The following ALG8 variants were observed in gnomAD, a reference collection of about 807,000 sequenced individuals.
The protein encoded by ALG8 is dolichyl pyrophosphate Glc1Man9GlcNAc2 alpha-1,3-glucosyltransferase.
A neutral mutation model predicts 70.2 loss-of-function variants in ALG8; 48 were observed. The observed-to-expected ratio is 0.68, with a 90% CI of 0.54 to 0.87. ALG8 has a LOEUF of 0.87. Among genes scored for constraint, ALG8 ranks in the 40% least tolerant of loss-of-function variants. ALG8 has a pLI of 0.00. For synonymous variants in ALG8, 234 were observed against 229.0 expected, an observed-to-expected ratio of 1.02 and a Z score of -0.20; for missense variants, 572 against 608.7, an observed-to-expected ratio of 0.94 and a Z score of 0.64.
chr11:78,101,516 C>A lies in ALG8; in HGVS notation c.1350-321G>T, dbSNP rs550775179. On this transcript the variant is annotated intron_variant, in intron 12 of 12. Transcript: ENST00000299626. The stretch of plus-strand genomic sequence containing the variant: ...GGGTGGCACAGGCCTGTAATTCCAG[C>A]TACTTGGGAGGCTGAGGCAGGAGAA... Among the ~76,000 whole-genome samples the A allele has an allele frequency of 2.0e-5, 3 of 152,224 alleles. No homozygotes were observed. In the East Asian group the frequency reaches 5.8e-4, roughly 29 times the overall value.
chr11:78,130,348 C>CAAA (rs1174378754), intron 1 of ALG8, among the ~76,000 whole-genome samples: 1 of 49,180 alleles, frequency 2.0e-5, no homozygotes, highest in Admixed American at 2.9e-4. Flanking sequence ...GACCCGGTCT[C>CAAA]AAAAAAAAAA....
At chr11:78,103,706 C>T (rs1174035736) in intron 12 of ALG8, among the ~76,000 whole-genome samples, 1 of 152,134 alleles carries the variant, frequency 6.6e-6, no homozygotes, top group Non-Finnish European at 1.5e-5. Flanking sequence ...TAGTTTTATT[C>T]ATAAAGCATA....
At chr11:78,121,243 T>C in intron 3 of ALG8, 69 bp from the exon 4 acceptor site, 1 of 1,046,468 alleles carries the variant, frequency 9.6e-7, no homozygotes. Context: ...TTCTGCAGAG[T>C]AAACTATGAT....
At chr11:78,115,034 T>C (rs1346981385) in intron 5 of ALG8, among the ~76,000 whole-genome samples, 2 of 152,192 alleles carry the variant, frequency 1.3e-5, no homozygotes, top group African/African-American at 4.8e-5. Context: ...ATTTTTATTT[T>C]ATTTTATTTT....
chr11:78,112,114 C>T (rs1333313257), intron 8 of ALG8, among the ~76,000 whole-genome samples: 1 of 151,944 alleles, frequency 6.6e-6, no homozygotes, highest in Non-Finnish European at 1.5e-5. Context: ...CTCTAAAAAA[C>T]AAAAATTTAA....
chr11:78,101,160 A>G lies in ALG8; in HGVS notation c.1385T>C (p.Phe462Ser), dbSNP rs1329908083. 1 of 1,614,092 alleles carries G rather than the reference A, an allele frequency of 6.2e-7. No homozygotes were observed. The highest frequency in any genetic ancestry group is 2.2e-5 in the East Asian group (1 of 44,900). ...EKPLFNWMET[F>S]YLLGLGPLEV... ...CAGAGGCCCCAGGCCAAGCAGGTAG[A>G]AAGTTTCCATCCAATTAAAAAGAGG... is the stretch of plus-strand genomic sequence containing the variant. The change falls in exon 13 of 13, where the codon TTC becomes TCC. Residue 462 changes from phenylalanine to serine, a missense_variant. Coordinates refer to ENST00000299626, the MANE Select transcript of ALG8 (RefSeq NM_024079.5).
In ALG8 at chr11:78,112,594, T is replaced by C. The variant is rs772624011; in HGVS notation, c.898+56A>G. ...ACACAAAGGTTTTTCCATTTCTCCA[T>C]GTGCCTAAGTCCTTTCAATATTCAG... On this transcript the variant is annotated intron_variant, in intron 8 of 12. Coordinates refer to ENST00000299626, the MANE Select transcript of ALG8 (RefSeq NM_024079.5). 8 of 1,606,534 alleles carry C rather than the reference T, an allele frequency of 5.0e-6. No individual in the cohort carries two copies. In the African/African-American group the frequency reaches 6.7e-5, roughly 13 times the overall value.
At chr11:78,115,893 G>C (rs1395133819) in intron 5 of ALG8, among the ~76,000 whole-genome samples, 1 of 152,148 alleles carries the variant, frequency 6.6e-6, no homozygotes, top group African/African-American at 2.4e-5. Context: ...TTCCAAAGAA[G>C]GGCTGGGAAT....
chr11:78,131,440 C>CA (rs1270797225), intron 1 of ALG8, among the ~76,000 whole-genome samples: 1 of 152,070 alleles, frequency 6.6e-6, no homozygotes, highest in Non-Finnish European at 1.5e-5. Context: ...CCCATCTCTA[C>CA]AAAAAACTTA....
intron 5 of ALG8, among the ~76,000 whole-genome samples, chr11:78,118,182 C>A (rs954482821): frequency 1.3e-5 from 2 of 152,100 alleles, no homozygotes; most frequent in African/African-American, 4.8e-5. Flanking sequence ...GGATTACACA[C>A]AGTTCTTCTG....
intron 10 of ALG8, 27 bp downstream of exon 10, chr11:78,106,780 T>C (rs375315639): frequency 6.2e-7 from 1 of 1,613,440 alleles, no homozygotes; most frequent in African/African-American, 1.3e-5. Context: ...TATGCCAAAA[T>C]GCTCACTGGC....
chr11:78,116,825 T>C (rs1383956924), intron 5 of ALG8, among the ~76,000 whole-genome samples: 2 of 152,206 alleles, frequency 1.3e-5, no homozygotes, highest in Non-Finnish European at 2.9e-5. Context: ...ACAGGGACCA[T>C]GAAAGGCCAG....
intron 3 of ALG8, among the ~76,000 whole-genome samples, chr11:78,123,654 A>C (rs688494): frequency 0.22 from 33,175 of 152,072 alleles, 4,483 homozygotes; most frequent in African/African-American, 0.38. Flanking sequence ...CTGTGTGCAT[A>C]CCCTAAGATA....
chr11:78,104,797 C>T (rs912931407), intron 10 of ALG8, among the ~76,000 whole-genome samples: 6 of 152,060 alleles, frequency 3.9e-5, no homozygotes, highest in Non-Finnish European at 5.9e-5. Flanking sequence ...AACCCTGTCT[C>T]TGCTAAAAAT....
chr11:78,106,042 A>G (rs1860014950), intron 10 of ALG8, among the ~76,000 whole-genome samples: 1 of 152,180 alleles, frequency 6.6e-6, no homozygotes, highest in South Asian at 2.1e-4. Flanking sequence ...GCGCAAAAGA[A>G]AGAATGCAAA....
chr11:78,113,832 T>C (rs1860425373), intron 7 of ALG8, 54 bp downstream of exon 7: 12 of 1,338,474 alleles, frequency 9.0e-6, no homozygotes, highest in Non-Finnish European at 7.0e-6. Context: ...TTAGGTTTTC[T>C]AAACACCAAC....
chr11:78,127,137 C>G (rs1193356515), intron 2 of ALG8, among the ~76,000 whole-genome samples: 1 of 152,010 alleles, frequency 6.6e-6, no homozygotes, highest in South Asian at 2.1e-4. Context: ...CACCACCACA[C>G]CCAGCTAATT....
Position 78,106,843 on chromosome 11 carries a change from T to C in ALG8, c.1142A>G (p.His381Arg). 3.1e-6 allele frequency: 5 copies of C among 1,614,148 alleles called. No individual in the cohort carries two copies. Among genetic ancestry groups the C allele is most frequent in the South Asian group, 1.1e-5 (1 of 91,090 alleles). The change falls in exon 10 of 13, where the codon CAT becomes CGT. Residue 381 changes from histidine to arginine, a missense_variant. Physicochemically the swap from His to Arg is conservative, Grantham distance 29. Transcript: ENST00000299626. ...LSSFMFGWHV[H>R]EKAILLAILP... ...AATTGCTAGAAGTATGGCTTTTTCATGAACATGCCACCCAAACATAAAGGA... is the reference window on the plus strand; with the variant it reads ...AATTGCTAGAAGTATGGCTTTTTCACGAACATGCCACCCAAACATAAAGGA...
At chr11:78,136,105 G>A (rs1241269537) in intron 1 of ALG8, among the ~76,000 whole-genome samples, 2 of 152,046 alleles carry the variant, frequency 1.3e-5, no homozygotes, top group East Asian at 3.9e-4. Flanking sequence ...AGGAAGTAGA[G>A]GCAGCAGTGA....
Sources: allele counts gnomAD v4.1 joint callset (sites outside exome capture counted in the v4.1 genomes callset), GRCh38; gene constraint gnomAD v4.1.1; transcripts MANE v1.5; gene names NCBI Gene and HGNC (gene_info 2026-07-23, HGNC 2026-07-21).